RSRC1: variants seen among roughly 807,000 people sequenced by gnomAD.
RSRC1 encodes serine/Arginine-related protein 53.
A neutral mutation model predicts 49.1 loss-of-function variants in RSRC1; 39 were observed. The observed-to-expected ratio is 0.79, with a 90% CI of 0.61 to 1.04. RSRC1 has a LOEUF of 1.04. RSRC1 is among the 50% of genes least tolerant of loss of function. The pLI, the probability that RSRC1 is intolerant of heterozygous loss-of-function variation, is 0.00. For missense variants in RSRC1, 388 were observed against 402.4 expected (o/e 0.96, Z 0.31); for synonymous variants, 143 against 130.8 (o/e 1.09, Z -0.63).
chr3:158,236,425 A>G (rs2107981505), intron 4 of RSRC1, among the ~76,000 whole-genome samples: 1 of 152,310 alleles, frequency 6.6e-6, no homozygotes, highest in Admixed American at 6.5e-5. Flanking sequence ...TGTAACCCAC[A>G]CCTTATCTCT....
At chr3:158,287,294 T>C (rs1726628552) in intron 4 of RSRC1, among the ~76,000 whole-genome samples, 1 of 152,216 alleles carries the variant, frequency 6.6e-6, no homozygotes, top group Admixed American at 6.5e-5. Context: ...AAATTACATT[T>C]AGATTATTTA....
chr3:158,194,491 C>CTTTTTTTTTTT (rs368635096), intron 3 of RSRC1, among the ~76,000 whole-genome samples: 1 of 126,570 alleles, frequency 7.9e-6, no homozygotes, highest in African/African-American at 3.0e-5. Flanking sequence ...CTTTGAGATT[C>CTTTTTTTTTTT]TTTTTTTTTT....
intron 6 of RSRC1, among the ~76,000 whole-genome samples, chr3:158,434,563 C>A (rs1460471193): frequency 6.6e-6 from 1 of 151,932 alleles, no homozygotes. Flanking sequence ...TGTTAACATT[C>A]CAACAGACAG....
At chr3:158,500,924 T>C (rs1739565368) in intron 7 of RSRC1, among the ~76,000 whole-genome samples, 2 of 152,176 alleles carry the variant, frequency 1.3e-5, no homozygotes, top group African/African-American at 4.8e-5. Context: ...TTTTCTTGTT[T>C]CTCTAGTTCC....
intron 5 of RSRC1, among the ~76,000 whole-genome samples, chr3:158,319,353 C>T (rs1728632221): frequency 6.6e-6 from 1 of 152,178 alleles, no homozygotes; most frequent in South Asian, 2.1e-4. Flanking sequence ...TCACCTTTTG[C>T]TATGATTGTA....
At chr3:158,231,446 A>C (rs1213782399) in intron 4 of RSRC1, among the ~76,000 whole-genome samples, 2 of 151,912 alleles carry the variant, frequency 1.3e-5, no homozygotes, top group African/African-American at 4.8e-5. Context: ...AAGTTATTTT[A>C]TGTAGTTATT....
At chr3:158,465,741 T>C (rs1299004623) in intron 7 of RSRC1, among the ~76,000 whole-genome samples, 2 of 152,212 alleles carry the variant, frequency 1.3e-5, no homozygotes, top group Non-Finnish European at 2.9e-5. Flanking sequence ...AATGTCCCTT[T>C]AAGAAATTTG....
chr3:158,228,487 T>C (rs1274311491), intron 4 of RSRC1, among the ~76,000 whole-genome samples: 1 of 151,992 alleles, frequency 6.6e-6, no homozygotes, highest in Non-Finnish European at 1.5e-5. Flanking sequence ...TAGATTCTTA[T>C]ATTCTGAAAC....
intron 1 of RSRC1, among the ~76,000 whole-genome samples, chr3:158,111,582 T>A (rs772853621): frequency 5.3e-5 from 8 of 152,216 alleles, no homozygotes; most frequent in Non-Finnish European, 7.3e-5. Flanking sequence ...GACAGAATTC[T>A]TTATCTCTTT....
At chr3:158,474,778 T>G (rs1311492409) in intron 7 of RSRC1, among the ~76,000 whole-genome samples, 1 of 152,184 alleles carries the variant, frequency 6.6e-6, no homozygotes, top group Non-Finnish European at 1.5e-5. Flanking sequence ...CTACCAATCC[T>G]TCAGGTCTCA....
In RSRC1 at chr3:158,510,124, G is replaced by A. The variant is rs550587808; in HGVS notation, c.653-26968G>A. On this transcript the variant is annotated intron_variant, in intron 7 of 9. Transcript: ENST00000611884. The stretch of plus-strand genomic sequence containing the variant: ...TCCAGACATTTTGATTGTTGCCAGT[G>A]TATGATTTCATTGCCATAGTGTGAT... Among the ~76,000 whole-genome samples, 16 of 152,208 alleles carry A rather than the reference G, an allele frequency of 1.1e-4. No individual in the cohort carries two copies. The South Asian group carries it at 1.5e-3, about 14-fold the overall frequency.
At chr3:158,517,406 A>C (rs181669441) in intron 7 of RSRC1, among the ~76,000 whole-genome samples, 1 of 152,260 alleles carries the variant, frequency 6.6e-6, no homozygotes, top group Non-Finnish European at 1.5e-5. Flanking sequence ...AAATGGTGAT[A>C]GCTAGTATCG....
chr3:158,279,055 G>C (rs1173141950), intron 4 of RSRC1, among the ~76,000 whole-genome samples: 1 of 152,162 alleles, frequency 6.6e-6, no homozygotes, highest in African/African-American at 2.4e-5. Flanking sequence ...CCTTAAAAAT[G>C]ACAGTTGAAG....
chr3:158,520,581 T>C (rs1236941348), intron 7 of RSRC1, among the ~76,000 whole-genome samples: 5 of 152,170 alleles, frequency 3.3e-5, no homozygotes, highest in Non-Finnish European at 1.5e-5. Flanking sequence ...TCCAGGGAAT[T>C]GTTTTTACTG....
chr3:158,512,780 T>C (rs1740264229), intron 7 of RSRC1, among the ~76,000 whole-genome samples: 1 of 151,664 alleles, frequency 6.6e-6, no homozygotes, highest in South Asian at 2.1e-4. Context: ...TTGTATCCTC[T>C]TTTATTTCAT....
chr3:158,538,086 T>TC (rs1275511173), intron 8 of RSRC1, among the ~76,000 whole-genome samples: 2 of 151,872 alleles, frequency 1.3e-5, no homozygotes, highest in Non-Finnish European at 3.0e-5. Context: ...GATATCTGCC[T>TC]CCCACAGATA....
intron 3 of RSRC1, among the ~76,000 whole-genome samples, chr3:158,139,397 C>T (rs1424022911): frequency 1.3e-5 from 2 of 151,288 alleles, no homozygotes; most frequent in South Asian, 4.2e-4. Context: ...CAGAGCAAGA[C>T]TTAGTCTGGA....
chr3:158,321,292 TCC>T (rs1474480859), intron 5 of RSRC1, among the ~76,000 whole-genome samples: 24 of 151,734 alleles, frequency 1.6e-4, no homozygotes, highest in Non-Finnish European at 1.9e-4. Flanking sequence ...TTCCTCCTCC[TCC>T]TCCTCTTCTT....
intron 4 of RSRC1, among the ~76,000 whole-genome samples, chr3:158,250,583 T>A (rs1342854016): frequency 6.6e-6 from 1 of 152,230 alleles, no homozygotes. Flanking sequence ...TGAATGGCTT[T>A]TCAAATACCT....
Sources: gnomAD v4.1 joint callset for allele counts (sites outside exome capture counted in the v4.1 genomes callset) on GRCh38, gnomAD v4.1.1 for gene constraint, MANE v1.5 for transcripts, NCBI Gene and HGNC (gene_info 2026-07-23, HGNC 2026-07-21) for gene names.